Variants in CPNE8 observed in about 807,000 individuals in gnomAD.
CPNE8 encodes copine-8.
Under a neutral mutation model 81.5 loss-of-function variants are expected in CPNE8, and 45 were observed. The observed-to-expected ratio is 0.55, with a 90% confidence interval of 0.44 to 0.71. The LOEUF (loss-of-function observed/expected upper bound fraction) is 0.71. Among genes scored for constraint, CPNE8 ranks in the 30% least tolerant of loss-of-function variants. The pLI is 0.00. For missense variants in CPNE8, 594 were observed against 672.1 expected, an observed-to-expected ratio of 0.88 and a Z score of 1.28; for synonymous variants, 252 against 226.3, an observed-to-expected ratio of 1.11 and a Z score of -1.02.
chr12:38,874,156 T>C (rs1324459787), intron 2 of CPNE8, among the ~76,000 whole-genome samples: 1 of 152,138 alleles, frequency 6.6e-6, no homozygotes, highest in Non-Finnish European at 1.5e-5. Context: ...TGTGACTAAA[T>C]AACTTTAAAT....
intron 7 of CPNE8, among the ~76,000 whole-genome samples, chr12:38,773,896 G>A (rs981349837): frequency 2.0e-5 from 3 of 151,978 alleles, no homozygotes; most frequent in Non-Finnish European, 4.4e-5. Flanking sequence ...TAAGGCTATA[G>A]CCAGGAATCA....
At chr12:38,782,551 T>C (rs1203372282) in intron 6 of CPNE8, among the ~76,000 whole-genome samples, 1 of 152,102 alleles carries the variant, frequency 6.6e-6, no homozygotes, top group Non-Finnish European at 1.5e-5. Flanking sequence ...TACTCTCAAA[T>C]GACTCAGAAA....
chr12:38,830,996 G>C (rs1943277366), intron 5 of CPNE8, among the ~76,000 whole-genome samples: 1 of 152,148 alleles, frequency 6.6e-6, no homozygotes, highest in Non-Finnish European at 1.5e-5. Flanking sequence ...CAGTGTTGGA[G>C]GTGGGGAAAG....
intron 10 of CPNE8, among the ~76,000 whole-genome samples, chr12:38,752,464 C>A (rs886888422): frequency 6.6e-6 from 1 of 152,164 alleles, no homozygotes; most frequent in Non-Finnish European, 1.5e-5. Context: ...TGGGCCACCC[C>A]ATAATTCAGC....
At position 38,884,464 on chromosome 12, in the gene CPNE8, T is replaced by C. The variant is rs373956456; in HGVS notation, c.99-9953A>G. On this transcript the variant is annotated intron_variant, in intron 1 of 19. Coordinates refer to ENST00000331366, the MANE Select transcript of CPNE8 (RefSeq NM_153634.3). ...TCATAGATATTTGGGTTGTTTCTAT[T>C]TTTTGGCTATTATGAATAATACTGC... is the stretch of plus-strand genomic sequence containing the variant. 4.6e-5 allele frequency among the ~76,000 whole-genome samples: 7 copies of C among 152,184 alleles called. No individual in the cohort carries two copies. The East Asian group carries it at 1.3e-3, about 29-fold the overall frequency.
chr12:38,904,757 T>C (rs989507349), intron 1 of CPNE8, among the ~76,000 whole-genome samples: 4 of 152,092 alleles, frequency 2.6e-5, no homozygotes, highest in Non-Finnish European at 5.9e-5. Context: ...GTATAAACTG[T>C]ACTGAGCCAC....
intron 1 of CPNE8, 100 bp downstream of exon 1, chr12:38,905,337 T>G (rs1432117355): frequency 2.2e-6 from 3 of 1,372,516 alleles, no homozygotes; most frequent in Non-Finnish European, 3.0e-6. Flanking sequence ...TGGCGCAACT[T>G]CTTGCCTGCG....
At chr12:38,795,827 G>A (rs1290994589) in intron 6 of CPNE8, among the ~76,000 whole-genome samples, 1 of 149,296 alleles carries the variant, frequency 6.7e-6, no homozygotes, top group Non-Finnish European at 1.5e-5. Flanking sequence ...CTACTAAACT[G>A]TACACTTAAA....
At chr12:38,792,609 A>G (rs1238433452) in intron 6 of CPNE8, among the ~76,000 whole-genome samples, 1 of 151,796 alleles carries the variant, frequency 6.6e-6, no homozygotes, top group African/African-American at 2.4e-5. Flanking sequence ...ACAAAATTAA[A>G]GCATAAGTCC....
rs763400717 is a variant in CPNE8, at chr12:38,730,364, A to G, written c.723-6T>C. On this transcript the variant is annotated splice_polypyrimidine_tract_variant and splice_region_variant and intron_variant, in intron 10 of 19. Coordinates refer to ENST00000331366, the MANE Select transcript of CPNE8 (RefSeq NM_153634.3). ...ATTCTCCAATGAAATCATGACTAAAATTAAAGGAAAAAAGTACATAATATT... is the reference window on the plus strand; with the variant it reads ...ATTCTCCAATGAAATCATGACTAAAGTTAAAGGAAAAAAGTACATAATATT... 5 of 1,375,522 alleles carry G rather than the reference A, an allele frequency of 3.6e-6. No individual in the cohort carries two copies. In the East Asian group the frequency reaches 1.3e-4, roughly 35 times the overall value. 85.2% of individuals were successfully genotyped at this position (1,375,522 alleles called of 1,614,324 possible).
intron 7 of CPNE8, among the ~76,000 whole-genome samples, chr12:38,769,187 A>T (rs1941750220): frequency 1.3e-5 from 2 of 152,164 alleles, no homozygotes; most frequent in South Asian, 4.1e-4. Context: ...AGATTTCTTA[A>T]TTTCACATTT....
chr12:38,800,785 G>C (rs1264634468), intron 6 of CPNE8, among the ~76,000 whole-genome samples: 1 of 24,990 alleles, frequency 4.0e-5, no homozygotes, highest in Non-Finnish European at 7.6e-5. Context: ...TGTATAACTA[G>C]AATAACCAAT....
At chr12:38,808,454 G>C (rs1383351438) in intron 6 of CPNE8, among the ~76,000 whole-genome samples, 2 of 151,806 alleles carry the variant, frequency 1.3e-5, no homozygotes, top group Non-Finnish European at 2.9e-5. Context: ...GTCTTTGTAG[G>C]GACATGGATG....
At chr12:38,775,487 G>A (rs566016303) in intron 7 of CPNE8, among the ~76,000 whole-genome samples, 8 of 152,252 alleles carry the variant, frequency 5.3e-5, no homozygotes, top group Admixed American at 5.2e-4. Flanking sequence ...GTAATCTAGG[G>A]AAAATTTTTT....
chr12:38,856,154 T>TAGGAAACTTGAACAGAC (rs1350814581), intron 3 of CPNE8, among the ~76,000 whole-genome samples: 1 of 151,942 alleles, frequency 6.6e-6, no homozygotes, highest in African/African-American at 2.4e-5. Context: ...CATGAAAAGA[T>TAGGAAACTTGAACAGAC]AGGAAACTTG....
chr12:38,697,487 A>G lies in CPNE8; in HGVS notation c.962-3649T>C, dbSNP rs552459077. Among the ~76,000 whole-genome samples the G allele has an allele frequency of 7.2e-5, 11 of 152,202 alleles. No homozygotes were observed. In the East Asian group the frequency reaches 2.1e-3, roughly 29 times the overall value. On this transcript the variant is annotated intron_variant, in intron 14 of 19. Transcript: ENST00000331366. Reference sequence around the variant, plus strand: ...TTCACGTATAAGTTTTTTTGCTGACATATGTTTTTAAGTCTCTTGAGTATA... The same window carrying G: ...TTCACGTATAAGTTTTTTTGCTGACGTATGTTTTTAAGTCTCTTGAGTATA...
At chr12:38,860,834 G>T (rs185450889) in intron 3 of CPNE8, among the ~76,000 whole-genome samples, 1 of 152,076 alleles carries the variant, frequency 6.6e-6, no homozygotes, top group South Asian at 2.1e-4. Context: ...ATGTCTGTCC[G>T]GGGTTGAAGG....
chr12:38,873,635 A>G (rs1347342373), intron 2 of CPNE8, among the ~76,000 whole-genome samples: 3 of 152,184 alleles, frequency 2.0e-5, no homozygotes, highest in Non-Finnish European at 4.4e-5. Flanking sequence ...CCACAATTGC[A>G]ATGCCTTTTT....
At chr12:38,687,016 TA>T (rs1200872782) in intron 15 of CPNE8, among the ~76,000 whole-genome samples, 1 of 152,248 alleles carries the variant, frequency 6.6e-6, no homozygotes, top group Non-Finnish European at 1.5e-5. Flanking sequence ...ATCATGTGTA[TA>T]TTTTTTTATG....
Sources: allele counts gnomAD v4.1 joint callset (sites outside exome capture counted in the v4.1 genomes callset), GRCh38; gene constraint gnomAD v4.1.1; transcripts MANE v1.5; gene names NCBI Gene and HGNC (gene_info 2026-07-23, HGNC 2026-07-21).